Variants in SGCZ observed in about 807,000 individuals in gnomAD.
SGCZ encodes sarcoglycan zeta.
In SGCZ, 40 loss-of-function variants were observed where a neutral mutation model predicts 41.3. The observed-to-expected ratio is 0.97, with a 90% CI of 0.75 to 1.26. SGCZ has a LOEUF of 1.26. SGCZ is among the 50% of genes most tolerant of loss of function. SGCZ has a pLI of 0.00. For synonymous variants in SGCZ, 206 were observed against 137.5 expected, an observed-to-expected ratio of 1.50 and a Z score of -3.49; for missense variants, 552 against 369.8, an observed-to-expected ratio of 1.49 and a Z score of -4.04.
chr8:14,340,267 T>C (rs190816810), intron 2 of SGCZ, among the ~76,000 whole-genome samples: 15 of 152,280 alleles, frequency 9.9e-5, no homozygotes, highest in Admixed American at 3.3e-4. Context: ...AAAAGCCAAT[T>C]TTGTCAGTAT....
At chr8:14,819,414 T>C (rs1230263932) in intron 1 of SGCZ, among the ~76,000 whole-genome samples, 1 of 152,052 alleles carries the variant, frequency 6.6e-6, no homozygotes, top group Admixed American at 6.6e-5. Flanking sequence ...CATCCCATTG[T>C]CTCCTAGCCT....
chr8:14,142,686 G>A (rs763768569), intron 5 of SGCZ, among the ~76,000 whole-genome samples: 1 of 152,152 alleles, frequency 6.6e-6, no homozygotes, highest in East Asian at 1.9e-4. Flanking sequence ...ATGTTGAAAT[G>A]TAACTCCCAA....
rs537694446 is a variant in SGCZ at position 14,248,014 on chromosome 8, A to G, written c.337-10335T>C. The stretch of plus-strand genomic sequence containing the variant: ...AAGGTAAAGCAGTAATTTTCCACCA[A>G]TGGATGAATGGTTTAGCCAATTTGT... On this transcript the variant is annotated intron_variant, in intron 3 of 7. Coordinates refer to ENST00000382080, the MANE Select transcript of SGCZ (RefSeq NM_139167.4). Among the ~76,000 whole-genome samples the G allele has an allele frequency of 1.1e-4, 17 of 152,340 alleles. No individual in the cohort carries two copies. In the South Asian group the frequency reaches 2.1e-3, roughly 19 times the overall value.
At chr8:14,098,740 A>G (rs1801921661) in intron 7 of SGCZ, among the ~76,000 whole-genome samples, 1 of 152,102 alleles carries the variant, frequency 6.6e-6, no homozygotes, top group Non-Finnish European at 1.5e-5. Context: ...AATCTAATGG[A>G]GATGTGGAGA....
chr8:14,353,029 C>G (rs1377571321), intron 2 of SGCZ, among the ~76,000 whole-genome samples: 1 of 152,014 alleles, frequency 6.6e-6, no homozygotes. Flanking sequence ...GCGTTCTTAC[C>G]TCTATGGACC....
intron 1 of SGCZ, among the ~76,000 whole-genome samples, chr8:14,776,683 C>G (rs11994701): frequency 0.059 from 8,884 of 151,558 alleles, 894 homozygotes; most frequent in African/African-American, 0.2. Context: ...TTAGTAGAGG[C>G]GGGGTTTCAC....
At chr8:15,171,199 T>C (rs1444688101) in intron 1 of SGCZ, among the ~76,000 whole-genome samples, 2 of 152,312 alleles carry the variant, frequency 1.3e-5, no homozygotes, top group East Asian at 3.9e-4. Context: ...AAGTAGTCTT[T>C]GAGTTAGTTC....
intron 1 of SGCZ, among the ~76,000 whole-genome samples, chr8:15,225,904 T>C (rs950203305): frequency 1.3e-5 from 2 of 152,200 alleles, no homozygotes; most frequent in African/African-American, 4.8e-5. Context: ...CAGGCATCTT[T>C]AGTTAGATTT....
intron 1 of SGCZ, among the ~76,000 whole-genome samples, chr8:15,204,322 G>T (rs961917453): frequency 1.2e-4 from 18 of 152,066 alleles, no homozygotes; most frequent in African/African-American, 4.3e-4. Flanking sequence ...TATGCAGAAG[G>T]GTTTTATTTT....
chr8:14,315,758 A>G (rs1801694175), intron 3 of SGCZ, among the ~76,000 whole-genome samples: 1 of 151,918 alleles, frequency 6.6e-6, no homozygotes, highest in South Asian at 2.1e-4. Context: ...GACAATAAGT[A>G]CATATAAAAA....
At chr8:15,236,859 G>C (rs1802141705) in intron 1 of SGCZ, among the ~76,000 whole-genome samples, 1 of 151,994 alleles carries the variant, frequency 6.6e-6, no homozygotes, top group Non-Finnish European at 1.5e-5. Context: ...GACCGTGTGC[G>C]GCCGGAGCCT....
chr8:14,519,290 C>G (rs964152482), intron 2 of SGCZ, among the ~76,000 whole-genome samples: 2 of 152,022 alleles, frequency 1.3e-5, no homozygotes, highest in Non-Finnish European at 2.9e-5. Context: ...AAATGGATCT[C>G]CTTCCTGGAT....
At chr8:15,156,197 T>G (rs1248907663) in intron 1 of SGCZ, among the ~76,000 whole-genome samples, 1 of 152,180 alleles carries the variant, frequency 6.6e-6, no homozygotes, top group Non-Finnish European at 1.5e-5. Context: ...GAGACTCAAT[T>G]AATTACTTTA....
At chr8:14,174,630 A>G (rs1357453689) in intron 4 of SGCZ, among the ~76,000 whole-genome samples, 1 of 152,164 alleles carries the variant, frequency 6.6e-6, no homozygotes, top group Non-Finnish European at 1.5e-5. Flanking sequence ...CAACACTGAG[A>G]AAATAAAGAT....
At chr8:14,978,724 C>T (rs1188607392) in intron 1 of SGCZ, among the ~76,000 whole-genome samples, 2 of 151,954 alleles carry the variant, frequency 1.3e-5, no homozygotes, top group African/African-American at 4.8e-5. Context: ...GCTTGGTGGG[C>T]CATCTGTATT....
At chr8:14,168,593 G>A (rs1453444084) in intron 4 of SGCZ, among the ~76,000 whole-genome samples, 1 of 152,120 alleles carries the variant, frequency 6.6e-6, no homozygotes, top group African/African-American at 2.4e-5. Flanking sequence ...CTTGCCTGCA[G>A]CCATGACTGT....
At chr8:14,831,259 TA>T (rs1204104933) in intron 1 of SGCZ, among the ~76,000 whole-genome samples, 14 of 152,172 alleles carry the variant, frequency 9.2e-5, no homozygotes, top group African/African-American at 3.4e-4. Flanking sequence ...CAGTTGTAGA[TA>T]TTTGAGGACA....
chr8:14,588,326 A>G (rs1020403258), intron 1 of SGCZ, among the ~76,000 whole-genome samples: 3 of 152,120 alleles, frequency 2.0e-5, no homozygotes, highest in African/African-American at 7.2e-5. Flanking sequence ...GAAAGTAATG[A>G]CCAGCACAAT....
At chr8:14,818,063 G>A (rs761867937) in intron 1 of SGCZ, among the ~76,000 whole-genome samples, 17 of 152,044 alleles carry the variant, frequency 1.1e-4, no homozygotes, top group East Asian at 9.7e-4. Flanking sequence ...GAAGCCATCC[G>A]GCCCTTCTGT....
Sources: allele counts gnomAD v4.1 joint callset (sites outside exome capture counted in the v4.1 genomes callset), GRCh38; gene constraint gnomAD v4.1.1; transcripts MANE v1.5; gene names NCBI Gene and HGNC (gene_info 2026-07-23, HGNC 2026-07-21).